NRG3: variants seen among roughly 807,000 people sequenced by gnomAD.
The protein encoded by NRG3 is neuregulin 3, also known as pro-neuregulin-3, membrane-bound isoform.
A neutral mutation model predicts 66.9 loss-of-function variants in NRG3; 31 were observed. That is an observed-to-expected ratio of 0.46 (90% CI 0.35 to 0.63). The LOEUF is 0.63. Among genes scored for constraint, NRG3 ranks in the 20% least tolerant of loss-of-function variants. The probability of loss-of-function intolerance (pLI) is 0.00; values close to 1 mark genes in which losing one functional copy is unlikely to be tolerated. For missense variants in NRG3, 910 were observed against 878.9 expected (o/e 1.04, Z -0.45); for synonymous variants, 393 against 359.4 (o/e 1.09, Z -1.06).
intron 3 of NRG3, among the ~76,000 whole-genome samples, chr10:82,764,651 C>T (rs902201358): frequency 6.6e-6 from 1 of 152,030 alleles, no homozygotes; most frequent in Non-Finnish European, 1.5e-5. Flanking sequence ...TCCCAAAGTA[C>T]AGGCATGAGC....
At chr10:82,232,848 G>C (rs980182929) in intron 1 of NRG3, 2 of 717,180 alleles carry the variant, frequency 2.8e-6, no homozygotes, top group Non-Finnish European at 5.2e-6. Context: ...CCTTTGTTGG[G>C]GTTTCTGAGA....
chr10:81,921,300 T>A, intron 1 of NRG3, among the ~76,000 whole-genome samples: 1 of 152,130 alleles, frequency 6.6e-6, no homozygotes, highest in East Asian at 1.9e-4. Context: ...ATTTGTTTGC[T>A]TATAATATTT....
chr10:82,633,671 C>T (rs1775989336), intron 2 of NRG3, among the ~76,000 whole-genome samples: 1 of 152,162 alleles, frequency 6.6e-6, no homozygotes, highest in African/African-American at 2.4e-5. Flanking sequence ...TTAGGACTTT[C>T]TACCAGCTTA....
At chr10:82,316,523 T>C (rs939567785) in intron 1 of NRG3, among the ~76,000 whole-genome samples, 3 of 152,056 alleles carry the variant, frequency 2.0e-5, no homozygotes, top group African/African-American at 7.2e-5. Flanking sequence ...GACCCTTTTT[T>C]CCCCCTCCTG....
At chr10:82,724,004 AATT>A (rs2057454309) in intron 2 of NRG3, among the ~76,000 whole-genome samples, 1 of 151,926 alleles carries the variant, frequency 6.6e-6, no homozygotes, top group African/African-American at 2.4e-5. Flanking sequence ...AAATAAAAAA[AATT>A]TAAAAAATAA....
chr10:82,839,351 A>T (rs1004727985), intron 3 of NRG3, among the ~76,000 whole-genome samples: 1 of 152,130 alleles, frequency 6.6e-6, no homozygotes, highest in Non-Finnish European at 1.5e-5. Flanking sequence ...TAGAAGTTTG[A>T]TGTCATTATG....
At chr10:82,348,916 C>G (rs1288109968) in intron 1 of NRG3, among the ~76,000 whole-genome samples, 1 of 147,420 alleles carries the variant, frequency 6.8e-6, no homozygotes, top group Admixed American at 6.8e-5. Context: ...TTTTCAGCTC[C>G]ATCAGCTCCT....
At chr10:82,674,555 G>C (rs1190475036) in intron 2 of NRG3, among the ~76,000 whole-genome samples, 3 of 151,990 alleles carry the variant, frequency 2.0e-5, no homozygotes, top group Non-Finnish European at 4.4e-5. Flanking sequence ...ATTGAATATA[G>C]TCCCCTTTAT....
chr10:82,238,923 T>C (rs1226943644), intron 1 of NRG3, among the ~76,000 whole-genome samples: 2 of 148,064 alleles, frequency 1.4e-5, no homozygotes, highest in Admixed American at 6.8e-5. Context: ...TATATATATA[T>C]ATATAATATT....
At chr10:82,048,401 C>G (rs972705862) in intron 1 of NRG3, among the ~76,000 whole-genome samples, 29 of 152,224 alleles carry the variant, frequency 1.9e-4, no homozygotes, top group Middle Eastern at 3.4e-3. Context: ...CAAACTGTCT[C>G]TCAGACCACA....
intron 1 of NRG3, among the ~76,000 whole-genome samples, chr10:82,153,441 GT>G (rs1056392723): frequency 6.7e-6 from 1 of 150,152 alleles, no homozygotes; most frequent in Non-Finnish European, 1.5e-5. Context: ...GTGTGTGTGT[GT>G]TTTCTTTATC....
At chr10:82,606,726 C>A (rs913833572) in intron 2 of NRG3, among the ~76,000 whole-genome samples, 1 of 152,144 alleles carries the variant, frequency 6.6e-6, no homozygotes, top group Non-Finnish European at 1.5e-5. Context: ...ACACTAACCA[C>A]CTGCTCCTTC....
intron 1 of NRG3, among the ~76,000 whole-genome samples, chr10:82,073,763 A>G (rs1479282361): frequency 6.6e-6 from 1 of 152,212 alleles, no homozygotes; most frequent in Non-Finnish European, 1.5e-5. Context: ...GCTCAAATGT[A>G]ATTTCTTTAC....
At chr10:82,922,334 T>C (rs1846512827) in intron 4 of NRG3, among the ~76,000 whole-genome samples, 1 of 152,186 alleles carries the variant, frequency 6.6e-6, no homozygotes, top group South Asian at 2.1e-4. Context: ...TAGAATGGCA[T>C]TGAAATGGCA....
chr10:82,939,383 CTA>C (rs1848370069), intron 4 of NRG3, among the ~76,000 whole-genome samples: 1 of 152,078 alleles, frequency 6.6e-6, no homozygotes, highest in South Asian at 2.1e-4. Flanking sequence ...ATAAGATAAA[CTA>C]TAGAGTATCA....
chr10:82,057,585 G>A (rs184864231), intron 1 of NRG3, among the ~76,000 whole-genome samples: 9 of 152,266 alleles, frequency 5.9e-5, no homozygotes, highest in African/African-American at 1.9e-4. Context: ...ATAACTAGAG[G>A]CCTTAGCAAT....
intron 1 of NRG3, among the ~76,000 whole-genome samples, chr10:82,166,154 C>G (rs939996961): frequency 6.6e-6 from 1 of 152,138 alleles, no homozygotes; most frequent in Non-Finnish European, 1.5e-5. Flanking sequence ...TCCCCAGTAG[C>G]TGGGATTACA....
intron 8 of NRG3, among the ~76,000 whole-genome samples, chr10:82,980,941 A>G (rs111289928): frequency 6.6e-6 from 1 of 152,218 alleles, no homozygotes; most frequent in Non-Finnish European, 1.5e-5. Flanking sequence ...TTATTAGTGA[A>G]TATGACTATA....
rs1841578479 is a variant in NRG3 at position 81,875,865 on chromosome 10, C to G, written c.525C>G (p.Ile175Met). 6.2e-7 allele frequency: 1 copy of G among 1,610,392 alleles called. No individual in the cohort carries two copies. Among genetic ancestry groups the G allele is most frequent in the African/African-American group, 1.3e-5 (1 of 74,926 alleles). ...GCTTCCCCGGGCACCGGGTGCCCAT[C>G]CGGGCCAGCCCGCGCTCCACCACAG... Reference protein sequence around the residue: ...PTRFPGHRVPIRASPRSTTAR... With the variant: ...PTRFPGHRVPMRASPRSTTAR... Residue 175 changes from isoleucine to methionine, a missense_variant, in exon 1 of 9, where the codon ATC (isoleucine) becomes ATG (methionine). Ile to Met is a conservative substitution (Grantham distance 10). Transcript: ENST00000372141. The surrounding 1 kb of genome is among the most constrained non-coding windows in gnomAD (Gnocchi z 5.3).
Sources: allele counts gnomAD v4.1 joint callset (sites outside exome capture counted in the v4.1 genomes callset), GRCh38; gene constraint gnomAD v4.1.1; non-coding constraint Gnocchi (gnomAD v3.1); transcripts MANE v1.5; gene names NCBI Gene and HGNC (gene_info 2026-07-23, HGNC 2026-07-21).